COL11A1: variants seen among roughly 807,000 people sequenced by gnomAD.
The protein encoded by COL11A1 is collagen alpha-1(XI) chain.
Under a neutral mutation model 265.2 loss-of-function variants are expected in COL11A1, and 74 were observed. The observed-to-expected ratio is 0.28, with a 90% CI of 0.23 to 0.34. The LOEUF (loss-of-function observed/expected upper bound fraction) is 0.34, where lower values mean the gene tolerates loss of function less well. Ranked by LOEUF, COL11A1 falls within the 10% of genes least tolerant of loss-of-function variation. COL11A1 has a pLI of 1.00. For missense variants in COL11A1, 2,165 were observed against 2,263.6 expected, an observed-to-expected ratio of 0.96 and a Z score of 0.88; for synonymous variants, 816 against 727.6, an observed-to-expected ratio of 1.12 and a Z score of -1.96.
chr1:103,034,201 A>G (rs2102011293), intron 4 of COL11A1, among the ~76,000 whole-genome samples: 1 of 152,204 alleles, frequency 6.6e-6, no homozygotes, highest in South Asian at 2.1e-4. Flanking sequence ...AGTTTATCAG[A>G]TTAAGTTGTT....
Position 102,883,313 on chromosome 1 carries a change from T to C in COL11A1, c.4859-2A>G. On this transcript the variant is annotated splice_acceptor_variant, in intron 63 of 66. Coordinates refer to ENST00000370096, the MANE Select transcript of COL11A1 (RefSeq NM_001854.4). LOFTEE classifies it high-confidence loss of function. ...GGTTAGGATCAATCCAATATTCACC[T>C]AGAAGGTAGCAAAAAATATGTCATA... The C allele has an allele frequency of 6.3e-7, 1 of 1,579,974 alleles. No homozygotes were observed. Among genetic ancestry groups the C allele is most frequent in the South Asian group, 1.1e-5 (1 of 90,418 alleles).
chr1:102,928,445 G>T (rs936541766), intron 46 of COL11A1, among the ~76,000 whole-genome samples: 4 of 151,864 alleles, frequency 2.6e-5, no homozygotes, highest in African/African-American at 9.7e-5. Context: ...ATTTTTTATG[G>T]CTGCATAGTA....
intron 45 of COL11A1, 135 bp from the exon 46 acceptor site, chr1:102,934,691 C>T: frequency 1.4e-6 from 1 of 724,018 alleles, no homozygotes; most frequent in Non-Finnish European, 2.4e-6. Context: ...AGACTGAATG[C>T]CCATTATCTG....
At chr1:102,884,325 A>G (rs1650669887) in intron 63 of COL11A1, 1 of 152,270 alleles carries the variant, frequency 6.6e-6, no homozygotes, top group South Asian at 2.1e-4. Context: ...GTCAGACATA[A>G]ACAGGGCAGG....
intron 30 of COL11A1, among the ~76,000 whole-genome samples, chr1:102,986,549 AAAAAT>A (rs1330053803): frequency 1.3e-5 from 2 of 152,166 alleles, no homozygotes; most frequent in South Asian, 2.1e-4. Context: ...AAGTATAGTA[AAAAAT>A]AAAATAAAGA....
rs1663329085 is a variant in COL11A1 at position 102,984,299 on chromosome 1, A to G, written c.2503-108T>C. On this transcript the variant is annotated intron_variant, in intron 30 of 66. Coordinates refer to ENST00000370096, the MANE Select transcript of COL11A1 (RefSeq NM_001854.4). ...TAGAATCACATATTGTACACTCAAA[A>G]GGAAGATTTGCAGATTTTTGTCATT... 7.2e-6 allele frequency: 5 copies of G among 692,120 alleles called. No homozygotes were observed. In the South Asian group the frequency reaches 7.9e-5, roughly 11 times the overall value. The allele number at this position is 692,120 out of a possible 1,614,324, so 42.9% of individuals were successfully genotyped here. A position where few individuals can be genotyped will look rare whatever the true frequency, so the allele number is the denominator to read the frequency against.
chr1:103,099,737 G>T (rs1674090878), intron 1 of COL11A1, among the ~76,000 whole-genome samples: 2 of 151,838 alleles, frequency 1.3e-5, no homozygotes, highest in South Asian at 2.1e-4. Context: ...AGTTTTGGAG[G>T]TAATATAGTC....
chr1:102,886,298 C>A (rs2783567), intron 63 of COL11A1, among the ~76,000 whole-genome samples: 98,884 of 151,970 alleles, frequency 0.65, 35,488 homozygotes, highest in Middle Eastern at 0.8. Context: ...ATATCTGTGG[C>A]TCAATTAAAG....
chr1:103,044,875 G>T (rs1177993641), intron 4 of COL11A1, among the ~76,000 whole-genome samples: 1 of 151,940 alleles, frequency 6.6e-6, no homozygotes, highest in East Asian at 1.9e-4. Context: ...ATGCTGTAAA[G>T]AACATAAAGT....
chr1:103,107,130 G>A (rs538557656), intron 1 of COL11A1, among the ~76,000 whole-genome samples: 13 of 152,164 alleles, frequency 8.5e-5, no homozygotes, highest in Non-Finnish European at 1.9e-4. Context: ...AAGAGGGAGG[G>A]AGAAGGCGGA....
chr1:103,052,330 A>G (rs1019310800), intron 4 of COL11A1, among the ~76,000 whole-genome samples: 1 of 152,148 alleles, frequency 6.6e-6, no homozygotes, highest in Non-Finnish European at 1.5e-5. Context: ...TTAAAGTTCA[A>G]CCACCTTAGT....
chr1:103,001,350 G>C (rs1477151447), intron 24 of COL11A1: 12 of 396,068 alleles, frequency 3.0e-5, no homozygotes, highest in Non-Finnish European at 5.3e-5. Flanking sequence ...AAAGGTGTTG[G>C]AAAGAGCCAG....
intron 4 of COL11A1, among the ~76,000 whole-genome samples, chr1:103,062,806 A>C (rs1487002628): frequency 1.3e-5 from 2 of 151,978 alleles, no homozygotes; most frequent in East Asian, 3.8e-4. Flanking sequence ...GAGAAAAATT[A>C]AACTTTTCCA....
At chr1:102,957,174 T>C (rs3102053) in intron 41 of COL11A1, among the ~76,000 whole-genome samples, 45,036 of 151,826 alleles carry the variant, frequency 0.3, 7,235 homozygotes, top group African/African-American at 0.43. Flanking sequence ...ACGACCTATG[T>C]TTCAGACTAA....
chr1:102,892,152 T>G (rs1651858607), intron 57 of COL11A1, among the ~76,000 whole-genome samples: 1 of 152,138 alleles, frequency 6.6e-6, no homozygotes, highest in Non-Finnish European at 1.5e-5. Flanking sequence ...AAAAGCAAAC[T>G]GTTCATATGG....
chr1:103,049,968 A>C (rs967483579), intron 4 of COL11A1, among the ~76,000 whole-genome samples: 5 of 152,292 alleles, frequency 3.3e-5, no homozygotes, highest in Non-Finnish European at 5.9e-5. Flanking sequence ...CCGAGAGATC[A>C]GCTGTTAATC....
chr1:102,896,163 T>C (rs1329224316), intron 57 of COL11A1, among the ~76,000 whole-genome samples: 1 of 151,038 alleles, frequency 6.6e-6, no homozygotes, highest in Non-Finnish European at 1.5e-5. Context: ...GAAATATCAC[T>C]GGATAGAGGC....
Position 102,935,043 on chromosome 1 carries a change from C to T in COL11A1, c.3492+17G>A. The T allele has an allele frequency of 6.2e-7, 1 of 1,613,236 alleles. No homozygotes were observed. The highest frequency in any genetic ancestry group is 1.1e-5 in the South Asian group (1 of 91,042). On this transcript the variant is annotated intron_variant, in intron 45 of 66. Coordinates refer to ENST00000370096, the MANE Select transcript of COL11A1 (RefSeq NM_001854.4). Reference sequence around the variant, plus strand: ...GCTGTAAGGATTTAGATTTGCTGAACAATGTGGAATACTCACAGCAATTCC... The same window carrying T: ...GCTGTAAGGATTTAGATTTGCTGAATAATGTGGAATACTCACAGCAATTCC...
chr1:102,899,053 C>T, intron 54 of COL11A1, 59 bp from the exon 55 acceptor site: 2 of 948,696 alleles, frequency 2.1e-6, no homozygotes, highest in African/African-American at 1.7e-5. Context: ...TGTTAATGAG[C>T]ACTTGTTTAC....
Sources: gnomAD v4.1 joint callset for allele counts (sites outside exome capture counted in the v4.1 genomes callset) on GRCh38, gnomAD v4.1.1 for gene constraint, MANE v1.5 for transcripts, NCBI Gene and HGNC (gene_info 2026-07-23, HGNC 2026-07-21) for gene names.